The following NCALD variants were observed in gnomAD, a reference collection of about 807,000 sequenced individuals.
NCALD encodes neurocalcin delta.
NCALD carries 10 observed loss-of-function variants against 18.6 expected under a neutral mutation model. The ratio of observed to expected loss-of-function variants is 0.54; its 90% confidence interval spans 0.33 to 0.91. The LOEUF (loss-of-function observed/expected upper bound fraction) is 0.91. Among genes scored for constraint, NCALD ranks in the 40% least tolerant of loss-of-function variants. The pLI, the probability that NCALD is intolerant of heterozygous loss-of-function variation, is 0.03. For synonymous variants in NCALD, 88 were observed against 87.4 expected (o/e 1.01, Z -0.04); for missense variants, 184 against 247.6 (o/e 0.74, Z 1.72).
intron 2 of NCALD, among the ~76,000 whole-genome samples, chr8:101,718,316 T>C (rs987389110): frequency 6.6e-6 from 1 of 152,156 alleles, no homozygotes; most frequent in African/African-American, 2.4e-5. Flanking sequence ...TAATGATCAC[T>C]TTTTACATTC....
At chr8:101,922,022 T>C (rs111464653) in intron 2 of NCALD, among the ~76,000 whole-genome samples, 152 of 152,028 alleles carry the variant, frequency 1.0e-3, no homozygotes, top group African/African-American at 3.6e-3. Flanking sequence ...CAGCTCACTG[T>C]AACCTCCACC....
chr8:102,109,151 G>T (rs946136146), intron 1 of NCALD, among the ~76,000 whole-genome samples: 2 of 152,048 alleles, frequency 1.3e-5, no homozygotes. Flanking sequence ...TATTCTCAGT[G>T]TAACTACCTA....
chr8:101,804,144 AT>A (rs1472384338), intron 4 of NCALD, among the ~76,000 whole-genome samples: 1 of 151,868 alleles, frequency 6.6e-6, no homozygotes. Context: ...TTAGAAAATA[AT>A]TTTTTATATC....
At chr8:101,902,589 G>C (rs919656001) in intron 3 of NCALD, among the ~76,000 whole-genome samples, 2 of 152,188 alleles carry the variant, frequency 1.3e-5, no homozygotes, top group South Asian at 2.1e-4. Flanking sequence ...GCCAAGGCAG[G>C]AACAAGCAGT....
intron 2 of NCALD, among the ~76,000 whole-genome samples, chr8:101,972,698 T>C (rs1163799178): frequency 6.6e-6 from 1 of 152,192 alleles, no homozygotes; most frequent in Non-Finnish European, 1.5e-5. Flanking sequence ...TAGTTCAATG[T>C]CCATCGTGGG....
At chr8:101,841,365 C>G (rs2131290655) in intron 4 of NCALD, among the ~76,000 whole-genome samples, 1 of 152,340 alleles carries the variant, frequency 6.6e-6, no homozygotes, top group Non-Finnish European at 1.5e-5. Flanking sequence ...GCCACCCCTT[C>G]TTCCCTTCCT....
At chr8:101,967,774 T>G (rs907371614) in intron 2 of NCALD, among the ~76,000 whole-genome samples, 1 of 152,030 alleles carries the variant, frequency 6.6e-6, no homozygotes, top group Non-Finnish European at 1.5e-5. Flanking sequence ...TCTCTTGGAC[T>G]CTCTACCCCA....
intron 4 of NCALD, among the ~76,000 whole-genome samples, chr8:101,832,111 C>T (rs1173978510): frequency 1.3e-5 from 2 of 152,156 alleles, no homozygotes; most frequent in Admixed American, 6.5e-5. Context: ...GGAGTGCTTC[C>T]TATATACCAG....
At chr8:101,827,588 G>A (rs1325142170) in intron 4 of NCALD, among the ~76,000 whole-genome samples, 2 of 152,110 alleles carry the variant, frequency 1.3e-5, no homozygotes, top group East Asian at 3.9e-4. Flanking sequence ...TCACTACATT[G>A]CACAACCTCA....
At chr8:101,814,408 A>G (rs907092605) in intron 4 of NCALD, among the ~76,000 whole-genome samples, 7 of 152,092 alleles carry the variant, frequency 4.6e-5, no homozygotes. Flanking sequence ...ATATCAAAAG[A>G]TCAAAAAAGC....
chr8:101,809,708 C>G (rs553759311), intron 4 of NCALD, among the ~76,000 whole-genome samples: 1 of 152,202 alleles, frequency 6.6e-6, no homozygotes, highest in East Asian at 1.9e-4. Context: ...CCACACCCAG[C>G]TAATTTTTGT....
rs1199577633 is a variant in NCALD at position 101,990,803 on chromosome 8, T to C, written c.-157+29434A>G. ...CTAATACAACCACATTCTCTCAGGCTCCCACAGCATTAGGGCAAGCAATAT... is the reference window on the plus strand; with the variant it reads ...CTAATACAACCACATTCTCTCAGGCCCCCACAGCATTAGGGCAAGCAATAT... On this transcript the variant is annotated intron_variant, in intron 2 of 6. Transcript: ENST00000311028. Among the ~76,000 whole-genome samples the C allele has an allele frequency of 5.3e-5, 8 of 152,116 alleles. No individual in the cohort carries two copies. The East Asian group carries it at 1.5e-3, about 29-fold the overall frequency.
chr8:102,026,495 C>T (rs569554982), intron 1 of NCALD, among the ~76,000 whole-genome samples: 1 of 152,214 alleles, frequency 6.6e-6, no homozygotes, highest in Admixed American at 6.5e-5. Context: ...AAAATAATCT[C>T]CCTTGACTCC....
chr8:101,845,914 A>G (rs1198981005), intron 4 of NCALD, among the ~76,000 whole-genome samples: 2 of 152,160 alleles, frequency 1.3e-5, no homozygotes, highest in African/African-American at 4.8e-5. Context: ...TAACTCCCAC[A>G]TAGGAGGGAG....
At chr8:101,730,069 C>T (rs540158875) in intron 1 of NCALD, among the ~76,000 whole-genome samples, 2 of 152,146 alleles carry the variant, frequency 1.3e-5, no homozygotes, top group Admixed American at 6.6e-5. Context: ...TAAAAAGACA[C>T]TATTAACAGT....
intron 1 of NCALD, among the ~76,000 whole-genome samples, chr8:101,759,020 TCA>T (rs1811005379): frequency 6.6e-6 from 1 of 152,176 alleles, no homozygotes; most frequent in African/African-American, 2.4e-5. Context: ...ACTTCATACA[TCA>T]ATATTTTTAA....
rs1038533573 is a variant in NCALD, at chr8:101,689,887, T to C, written c.485-481A>G. Reference sequence around the variant, plus strand: ...TTCGTGTTCTTCAGGCCACTCTGTGTTCTTAGGTTTGCTGCAAGAGCCCAT... The same window carrying C: ...TTCGTGTTCTTCAGGCCACTCTGTGCTCTTAGGTTTGCTGCAAGAGCCCAT... On this transcript the variant is annotated intron_variant, in intron 3 of 3. Coordinates refer to ENST00000220931, the MANE Select transcript of NCALD (RefSeq NM_032041.3). The surrounding 1 kb of genome is among the most constrained non-coding windows in gnomAD (Gnocchi z 4.4). Among the ~76,000 whole-genome samples, 10 of 152,194 alleles carry C rather than the reference T, an allele frequency of 6.6e-5. No homozygotes were observed. Among genetic ancestry groups the C allele is most frequent in the African/African-American group, 2.4e-4 (10 of 41,454 alleles).
chr8:101,996,788 G>A (rs549043954), intron 2 of NCALD, among the ~76,000 whole-genome samples: 1 of 152,362 alleles, frequency 6.6e-6, no homozygotes, highest in East Asian at 1.9e-4. Flanking sequence ...ATGCATCAAT[G>A]TTACAACCAC....
At chr8:101,978,670 A>G (rs773143888) in intron 2 of NCALD, among the ~76,000 whole-genome samples, 1 of 152,036 alleles carries the variant, frequency 6.6e-6, no homozygotes, top group Non-Finnish European at 1.5e-5. Flanking sequence ...GGTGGTGAGG[A>G]CACTGTTTTT....
Sources: allele counts gnomAD v4.1 joint callset (sites outside exome capture counted in the v4.1 genomes callset), GRCh38; gene constraint gnomAD v4.1.1; non-coding constraint Gnocchi (gnomAD v3.1); transcripts MANE v1.5; gene names NCBI Gene and HGNC (gene_info 2026-07-23, HGNC 2026-07-21).